TEX10: variants seen among roughly 807,000 people sequenced by gnomAD.
TEX10 encodes testis-expressed protein 10.
A neutral mutation model predicts 104.4 loss-of-function variants in TEX10; 24 were observed. The observed-to-expected ratio is 0.23, with a 90% CI of 0.17 to 0.32. The LOEUF (loss-of-function observed/expected upper bound fraction) is 0.32. TEX10 is among the 10% of genes least tolerant of loss of function. TEX10 has a pLI of 1.00. For synonymous variants in TEX10, 396 were observed against 393.4 expected (o/e 1.01, Z -0.08); for missense variants, 921 against 1,083.9 (o/e 0.85, Z 2.11).
intron 4 of TEX10, among the ~76,000 whole-genome samples, chr9:100,341,937 C>A (rs1055053401): frequency 1.3e-5 from 2 of 152,184 alleles, no homozygotes; most frequent in African/African-American, 2.4e-5. Context: ...GCTCAAAACC[C>A]TCCAGTGGTC....
chr9:100,329,901 C>T, intron 6 of TEX10, 30 bp downstream of exon 6: 1 of 1,564,774 alleles, frequency 6.4e-7, no homozygotes, highest in Non-Finnish European at 8.7e-7. Flanking sequence ...GAGCTCCACT[C>T]TTAAATAAGG....
At chr9:100,345,764 T>C (rs1835285420) in intron 4 of TEX10, among the ~76,000 whole-genome samples, 1 of 152,158 alleles carries the variant, frequency 6.6e-6, no homozygotes, top group Admixed American at 6.5e-5. Context: ...AACTAGAATG[T>C]TCCTACACAA....
chr9:100,303,436 A>ACCC (rs1217116665), intron 14 of TEX10, among the ~76,000 whole-genome samples, 196 bp downstream of exon 14: 1 of 91,430 alleles, frequency 1.1e-5, no homozygotes, highest in African/African-American at 5.4e-5. Flanking sequence ...AATCACAGAC[A>ACCC]CACCCCCCCC....
chr9:100,351,771 T>C (rs962801342), intron 1 of TEX10, among the ~76,000 whole-genome samples: 1 of 152,242 alleles, frequency 6.6e-6, no homozygotes, highest in Admixed American at 6.5e-5. Flanking sequence ...CTAGTAATAT[T>C]ATTACGGGAT....
chr9:100,351,014 G>A lies in TEX10; in HGVS notation c.-9-1642C>T, dbSNP rs137968525. ...CTGTGCCTGGTACATGGTTAAATACGTATGCTCAAAGCATAAACATGTGCG... is the reference window on the plus strand; with the variant it reads ...CTGTGCCTGGTACATGGTTAAATACATATGCTCAAAGCATAAACATGTGCG... On this transcript the variant is annotated intron_variant, in intron 1 of 14. Coordinates refer to ENST00000374902, the MANE Select transcript of TEX10 (RefSeq NM_017746.4). Among the ~76,000 whole-genome samples the A allele has an allele frequency of 6.0e-4, 91 of 152,152 alleles. 1 individual carries two copies. The highest frequency in any genetic ancestry group is 2.0e-3 in the African/African-American group (83 of 41,500).
intron 4 of TEX10, among the ~76,000 whole-genome samples, chr9:100,341,991 C>A (rs1835185843): frequency 6.6e-6 from 1 of 152,228 alleles, no homozygotes; most frequent in Non-Finnish European, 1.5e-5. Flanking sequence ...TTACCAGGGA[C>A]CACAGAGTCC....
intron 5 of TEX10, among the ~76,000 whole-genome samples, chr9:100,335,908 T>C (rs1048341307): frequency 1.3e-5 from 2 of 152,084 alleles, no homozygotes; most frequent in Non-Finnish European, 2.9e-5. Context: ...TTTTAAAATG[T>C]AGGTATCAGG....
At chr9:100,316,911 A>AAC (rs1834434932) in intron 11 of TEX10, among the ~76,000 whole-genome samples, 1 of 114,416 alleles carries the variant, frequency 8.7e-6, no homozygotes, top group South Asian at 2.4e-4. Flanking sequence ...AAAAAAAAAA[A>AAC]AAAAACCTAG....
chr9:100,308,785 T>C, intron 12 of TEX10, 104 bp from the exon 13 acceptor site: 1 of 1,106,720 alleles, frequency 9.0e-7, no homozygotes, highest in Non-Finnish European at 1.2e-6. Context: ...TTATTTCTAC[T>C]GAAAACCAAT....
At position 100,347,080 on chromosome 9, in the gene TEX10, T is replaced by G; in HGVS notation, c.507A>C (p.Glu169Asp). ...DSLKVLDILL[E>D]QYPALITGRS... ...GGCCAGTAATTAGAGCTGGGTACTG[T>G]TCCAGCAGAATGTCCAAAACTTTTA... Residue 169 changes from glutamate to aspartate, a missense_variant, in exon 3 of 15, where the codon GAA becomes GAC. Physicochemically the swap from Glu to Asp is conservative, Grantham distance 45 (BLOSUM62 2). Coordinates refer to ENST00000374902, the MANE Select transcript of TEX10 (RefSeq NM_017746.4). 6.2e-7 allele frequency: 1 copy of G among 1,614,184 alleles called. No individual in the cohort carries two copies. Among genetic ancestry groups the G allele is most frequent in the Non-Finnish European group, 8.5e-7 (1 of 1,180,028 alleles).
intron 12 of TEX10, among the ~76,000 whole-genome samples, 199 bp from the exon 13 acceptor site, chr9:100,308,880 A>G (rs1834204710): frequency 1.3e-5 from 2 of 152,208 alleles, no homozygotes; most frequent in Admixed American, 1.3e-4. Flanking sequence ...GACTTTGAAA[A>G]CATGCAAACA....
At chr9:100,333,884 G>A (rs988020906) in intron 5 of TEX10, among the ~76,000 whole-genome samples, 2 of 152,076 alleles carry the variant, frequency 1.3e-5, no homozygotes, top group Admixed American at 6.5e-5. Flanking sequence ...TCTTTCCAAT[G>A]AACGGTGATA....
intron 9 of TEX10, among the ~76,000 whole-genome samples, chr9:100,322,210 A>C (rs1379319420): frequency 6.6e-6 from 1 of 152,240 alleles, no homozygotes; most frequent in South Asian, 2.1e-4. Context: ...TTAATTAGGC[A>C]AAGAAAACTT....
At chr9:100,328,314 T>G (rs1393203466) in intron 7 of TEX10, among the ~76,000 whole-genome samples, 3 of 152,216 alleles carry the variant, frequency 2.0e-5, no homozygotes, top group African/African-American at 7.2e-5. Context: ...ACTTGTGCTA[T>G]TTTTATTTCT....
intron 1 of TEX10, chr9:100,352,465 G>A (rs898680685): frequency 1.3e-6 from 2 of 1,551,664 alleles, no homozygotes; most frequent in Middle Eastern, 1.7e-4. Flanking sequence ...AGGGACGCCG[G>A]CCAGGACCAG....
intron 12 of TEX10, among the ~76,000 whole-genome samples, chr9:100,309,691 C>T (rs1834226075): frequency 6.6e-6 from 1 of 152,152 alleles, no homozygotes; most frequent in Non-Finnish European, 1.5e-5. Flanking sequence ...AAGTGTGTTT[C>T]TCAAAGATAT....
intron 9 of TEX10, among the ~76,000 whole-genome samples, 181 bp from the exon 10 acceptor site, chr9:100,321,952 A>G (rs930231141): frequency 4.5e-4 from 69 of 152,314 alleles, no homozygotes; most frequent in African/African-American, 1.6e-3. Context: ...CCCTAGTATG[A>G]AAGTTTGAAA....
chr9:100,315,534 C>A (rs1834394509), intron 11 of TEX10, among the ~76,000 whole-genome samples: 1 of 152,052 alleles, frequency 6.6e-6, no homozygotes, highest in Non-Finnish European at 1.5e-5. Flanking sequence ...ATGATTTTCT[C>A]TGTATTTTTT....
chr9:100,312,769 A>C (rs865837715), intron 11 of TEX10, among the ~76,000 whole-genome samples: 1 of 152,208 alleles, frequency 6.6e-6, no homozygotes, highest in Non-Finnish European at 1.5e-5. Context: ...ACAAGTCACC[A>C]TACAGACCCT....
Sources: allele counts gnomAD v4.1 joint callset (sites outside exome capture counted in the v4.1 genomes callset), GRCh38; gene constraint gnomAD v4.1.1; transcripts MANE v1.5; gene names NCBI Gene and HGNC (gene_info 2026-07-23, HGNC 2026-07-21).